Variants in RYR2 observed in about 807,000 individuals in gnomAD.
RYR2 encodes ryanodine receptor 2.
In RYR2, 227 loss-of-function variants were observed where a neutral mutation model predicts 601.1. The observed-to-expected ratio is 0.38, with a 90% CI of 0.34 to 0.42. The LOEUF is 0.42. Ranked by LOEUF, RYR2 falls within the 10% of genes least tolerant of loss-of-function variation. The pLI, the probability that RYR2 is intolerant of heterozygous loss-of-function variation, is 1.00. For synonymous variants in RYR2, 2,223 were observed against 2,175.1 expected, an observed-to-expected ratio of 1.02 and a Z score of -0.61; for missense variants, 4,646 against 6,156.5, an observed-to-expected ratio of 0.75 and a Z score of 8.21.
chr1:237,258,270 G>T, intron 1 of RYR2, among the ~76,000 whole-genome samples: 1 of 151,978 alleles, frequency 6.6e-6, no homozygotes, highest in East Asian at 1.9e-4. Flanking sequence ...CAAGCAGAGT[G>T]GAGAATGACG....
chr1:237,602,196 T>G (rs1386806146), intron 35 of RYR2, 85 bp downstream of exon 35: 2 of 916,598 alleles, frequency 2.2e-6, no homozygotes, highest in African/African-American at 3.4e-5. Context: ...ATTCAGTATA[T>G]TAGTACTGAT....
intron 16 of RYR2, among the ~76,000 whole-genome samples, chr1:237,465,596 G>T (rs931046639): frequency 6.6e-6 from 1 of 152,086 alleles, no homozygotes; most frequent in Non-Finnish European, 1.5e-5. Context: ...GCACAGCTAC[G>T]CTATAGGGGA....
chr1:237,642,740 G>A (rs959346038), intron 47 of RYR2, among the ~76,000 whole-genome samples: 9 of 152,114 alleles, frequency 5.9e-5, no homozygotes, highest in Non-Finnish European at 1.2e-4. Context: ...ATTCTTGACC[G>A]TATGTTCATC....
chr1:237,646,419 G>T (rs1363280771), intron 48 of RYR2, among the ~76,000 whole-genome samples: 1 of 152,108 alleles, frequency 6.6e-6, no homozygotes, highest in African/African-American at 2.4e-5. Context: ...TGTCACCATA[G>T]CTGTGCATTT....
At chr1:237,578,814 G>A (rs2148351484) in intron 29 of RYR2, among the ~76,000 whole-genome samples, 1 of 152,002 alleles carries the variant, frequency 6.6e-6, no homozygotes, top group South Asian at 2.1e-4. Context: ...CTCCCTCAGT[G>A]TCTCTTCCTG....
At chr1:237,724,337 GTTTTATATTATC>G (rs56147249) in intron 74 of RYR2, among the ~76,000 whole-genome samples, 81,211 of 150,546 alleles carry the variant, frequency 0.54, 24,428 homozygotes, top group Non-Finnish European at 0.68. Context: ...TTGTATTCCT[GTTTTATATTATC>G]TGAACCCTCA....
At chr1:237,672,665 G>A (rs950139625) in intron 58 of RYR2, among the ~76,000 whole-genome samples, 2 of 152,100 alleles carry the variant, frequency 1.3e-5, no homozygotes, top group Non-Finnish European at 2.9e-5. Flanking sequence ...GTTAATTATA[G>A]TATCCTTATA....
chr1:237,113,783 T>G (rs1457566842), intron 1 of RYR2, among the ~76,000 whole-genome samples: 1 of 152,190 alleles, frequency 6.6e-6, no homozygotes, highest in Non-Finnish European at 1.5e-5. Flanking sequence ...TATTGGGTGT[T>G]AGAGAGATGA....
intron 101 of RYR2, among the ~76,000 whole-genome samples, chr1:237,824,087 TC>T (rs1167493692): frequency 6.6e-6 from 1 of 152,168 alleles, no homozygotes; most frequent in African/African-American, 2.4e-5. Flanking sequence ...ACAGCCGAAT[TC>T]TACCAGAGGT....
intron 1 of RYR2, among the ~76,000 whole-genome samples, chr1:237,196,066 C>G (rs561554324): frequency 6.6e-6 from 1 of 152,256 alleles, no homozygotes; most frequent in East Asian, 1.9e-4. Context: ...CGTAGCAGTG[C>G]TTTGCTTTTT....
intron 1 of RYR2, among the ~76,000 whole-genome samples, chr1:237,143,911 A>G (rs952305546): frequency 6.6e-5 from 10 of 152,170 alleles, no homozygotes; most frequent in Non-Finnish European, 1.3e-4. Context: ...TGGGTGGATC[A>G]AGAGGTCAGG....
chr1:237,266,699 G>T (rs1689094611), intron 1 of RYR2, among the ~76,000 whole-genome samples: 1 of 152,214 alleles, frequency 6.6e-6, no homozygotes, highest in Non-Finnish European at 1.5e-5. Flanking sequence ...ACTGGCAAAA[G>T]CTTTGATGAG....
chr1:237,252,750 A>G lies in RYR2; in HGVS notation c.49-17747A>G, dbSNP rs77738066. Among the ~76,000 whole-genome samples, 349 of 152,326 alleles carry G rather than the reference A, an allele frequency of 2.3e-3. 1 individual carries two copies. Among genetic ancestry groups the G allele is most frequent in the African/African-American group, 7.9e-3 (328 of 41,578 alleles). ...TAAGGTGGAGATTTCAGAGAGGAAA[A>G]ACATTGCAATCCCAGTGACTAGTAA... On this transcript the variant is annotated intron_variant, in intron 1 of 104. Coordinates refer to ENST00000366574, the MANE Select transcript of RYR2 (RefSeq NM_001035.3).
chr1:237,697,890 A>G (rs1378101664), intron 63 of RYR2, among the ~76,000 whole-genome samples: 1 of 152,168 alleles, frequency 6.6e-6, no homozygotes, highest in Non-Finnish European at 1.5e-5. Context: ...ATTTTCATGA[A>G]TAACTCAGAA....
rs755520825 is a variant in RYR2, at chr1:237,680,473, T to C, written c.8913T>C (p.Ile2971=). ...KFFAKVVLPL[I]DQYFKNHRLY... is the part of the protein sequence containing the mutation. ...TCTTTCAGGTCGTTCTTCCTTTAAT[T>C]GATCAGTATTTCAAAAACCATCGTT... Residue 2971 remains isoleucine, a synonymous_variant, in exon 62 of 105, where the codon ATT becomes ATC. Transcript: ENST00000366574. 6.3e-5 allele frequency: 101 copies of C among 1,608,652 alleles called. 1 individual carries two copies. The highest frequency in any genetic ancestry group is 1.6e-4 in the Middle Eastern group (1 of 6,072).
At chr1:237,216,541 G>A (rs1218899256) in intron 1 of RYR2, among the ~76,000 whole-genome samples, 1 of 151,752 alleles carries the variant, frequency 6.6e-6, no homozygotes, top group Non-Finnish European at 1.5e-5. Context: ...AGTTTGAGAG[G>A]AGCCTGGCCA....
Position 237,045,775 on chromosome 1 carries a change from C to CT in RYR2, c.48+3221dup, listed in dbSNP as rs35311700. 5.0e-3 allele frequency among the ~76,000 whole-genome samples: 636 copies of CT among 128,316 alleles called. 1 individual carries two copies. Among genetic ancestry groups the CT allele is most frequent in the Non-Finnish European group, 5.9e-3 (370 of 62,542 alleles). The allele number at this position is 128,316 out of a possible 152,430, so 84.2% of individuals were successfully genotyped here. ...CACGCATCTTTTTCGTTATGGTCCT[C>CT]TTTTTTTTTTTTTTTCCAACAATCA... On this transcript the variant is annotated intron_variant, in intron 1 of 104. Transcript: ENST00000366574.
intron 35 of RYR2, among the ~76,000 whole-genome samples, chr1:237,604,316 A>G (rs1676854994): frequency 6.6e-6 from 1 of 152,236 alleles, no homozygotes; most frequent in South Asian, 2.1e-4. Context: ...CTGCTCCTGA[A>G]TGACTATGGG....
intron 2 of RYR2, among the ~76,000 whole-genome samples, chr1:237,284,109 G>A (rs189795264): frequency 2.5e-4 from 38 of 152,266 alleles, no homozygotes; most frequent in African/African-American, 3.1e-4. Context: ...CTGGCCAGGC[G>A]TGGTGGCTCA....
Sources: gnomAD v4.1 joint callset for allele counts (sites outside exome capture counted in the v4.1 genomes callset) on GRCh38, gnomAD v4.1.1 for gene constraint, MANE v1.5 for transcripts, NCBI Gene and HGNC (gene_info 2026-07-23, HGNC 2026-07-21) for gene names.